The following ARID1A variants were observed in gnomAD, a reference collection of about 807,000 sequenced individuals.
The protein encoded by ARID1A is AT-rich interaction domain 1A.
ARID1A carries 20 observed loss-of-function variants against 212.6 expected under a neutral mutation model. The observed-to-expected ratio is 0.09, with a 90% CI of 0.07 to 0.14. ARID1A has a LOEUF of 0.14. ARID1A is among the 10% of genes least tolerant of loss of function. The pLI, the probability that ARID1A is intolerant of heterozygous loss-of-function variation, is 1.00. For missense variants in ARID1A, 2,587 were observed against 3,059.0 expected (o/e 0.85, Z 3.64); for synonymous variants, 1,376 against 1,222.1 (o/e 1.13, Z -2.63).
In ARID1A at chr1:26,772,977, C is replaced by T. The variant is rs1570614072; in HGVS notation, c.3705C>T (p.Ser1235=). The change falls in exon 14 of 20, where the codon AGC becomes AGT. Residue 1235 remains serine, a synonymous_variant. Coordinates refer to ENST00000324856, the MANE Select transcript of ARID1A (RefSeq NM_006015.6). ...SYEPNKDPYG[S]MRKAPGSDPF... Reference sequence around the variant, plus strand: ...AGCCAAATAAGGATCCTTATGGCAGCATGAGGAAAGGTGACTGATCTGATT... The same window carrying T: ...AGCCAAATAAGGATCCTTATGGCAGTATGAGGAAAGGTGACTGATCTGATT... 4.3e-6 allele frequency: 7 copies of T among 1,609,728 alleles called. No individual in the cohort carries two copies. Among genetic ancestry groups the T allele is most frequent in the Non-Finnish European group, 5.1e-6 (6 of 1,176,780 alleles).
chr1:26,731,649 A>G (rs748709137), intron 3 of ARID1A, 45 bp downstream of exon 3: 21 of 1,590,088 alleles, frequency 1.3e-5, no homozygotes, highest in Non-Finnish European at 1.8e-5. Context: ...GTGACTACAG[A>G]CAGCTTGGGG....
intron 4 of ARID1A, among the ~76,000 whole-genome samples, chr1:26,740,067 A>G (rs2080773747): frequency 1.3e-5 from 2 of 151,824 alleles, no homozygotes; most frequent in Admixed American, 6.6e-5. Flanking sequence ...TTGTCTGTAG[A>G]TTTAAGTCCA....
intron 19 of ARID1A, among the ~76,000 whole-genome samples, chr1:26,777,065 C>G (rs1557618112): frequency 6.6e-6 from 1 of 152,164 alleles, no homozygotes; most frequent in Non-Finnish European, 1.5e-5. Flanking sequence ...ACAGCTACTT[C>G]CTGGAAAAGC....
chr1:26,696,353 G>A lies in ARID1A; in HGVS notation c.-51G>A, dbSNP rs2080251871. The A allele has an allele frequency of 1.7e-6, 2 of 1,179,554 alleles. No homozygotes were observed. The highest frequency in any genetic ancestry group is 4.6e-5 in the Admixed American group (1 of 21,710). 73.1% of individuals were successfully genotyped at this position (1,179,554 alleles called of 1,614,324 possible). A position where few individuals can be genotyped will look rare whatever the true frequency, so the allele number is the denominator to read the frequency against. ...GCCCCGGGGCGGGGTGGGAGGGGGGGAGAAGACGAAGACAGGGCCGGGTCT... is the reference window on the plus strand; with the variant it reads ...GCCCCGGGGCGGGGTGGGAGGGGGGAAGAAGACGAAGACAGGGCCGGGTCT... On this transcript the variant is annotated 5_prime_UTR_variant, in exon 1 of 20. Transcript: ENST00000324856.
rs2124738802 is a variant in ARID1A at position 26,696,140 on chromosome 1, C to G, written c.-264C>G. The stretch of plus-strand genomic sequence containing the variant: ...GGAATGAGCCGGGAGAGCCGGGTCC[C>G]GAGCCTACAGAGCCGGGAGCAGCTG... On this transcript the variant is annotated 5_prime_UTR_variant, in exon 1 of 20. Transcript: ENST00000324856. 1 of 492,744 alleles carries G rather than the reference C, an allele frequency of 2.0e-6. No homozygotes were observed. Among genetic ancestry groups the G allele is most frequent in the South Asian group, 9.0e-5 (1 of 11,124 alleles). 30.5% of individuals were successfully genotyped at this position (492,744 alleles called of 1,614,324 possible). A position where few individuals can be genotyped will look rare whatever the true frequency, so the allele number is the denominator to read the frequency against.
chr1:26,778,506 T>TA (rs1391285873), intron 19 of ARID1A: 1 of 152,544 alleles, frequency 6.6e-6, no homozygotes, highest in Admixed American at 6.5e-5. Context: ...TCCCACTCCT[T>TA]ATGCTGCAAG....
intron 1 of ARID1A, among the ~76,000 whole-genome samples, chr1:26,725,943 C>T (rs1021953999): frequency 2.0e-5 from 3 of 150,778 alleles, no homozygotes; most frequent in African/African-American, 7.3e-5. Context: ...CAGCTTCTGC[C>T]TTCTGGGTTT....
intron 1 of ARID1A, among the ~76,000 whole-genome samples, chr1:26,716,502 G>A (rs2080504623): frequency 6.6e-6 from 1 of 152,166 alleles, no homozygotes; most frequent in East Asian, 1.9e-4. Context: ...GTAGTCTTGA[G>A]ATCTTAGGAT....
intron 1 of ARID1A, among the ~76,000 whole-genome samples, chr1:26,724,391 T>G (rs1169438291): frequency 6.6e-6 from 1 of 152,192 alleles, no homozygotes; most frequent in Non-Finnish European, 1.5e-5. Context: ...TTTCCTTGGA[T>G]TGGAACTGGA....
Position 26,696,073 on chromosome 1 carries a change from G to A in ARID1A, c.-331G>A, listed in dbSNP as rs2080246289. 1.9e-6 allele frequency: 1 copy of A among 537,522 alleles called. No homozygotes were observed. Among genetic ancestry groups the A allele is most frequent in the African/African-American group, 2.0e-5 (1 of 49,614 alleles). 33.3% of individuals were successfully genotyped at this position (537,522 alleles called of 1,614,324 possible). ...CAGCGGGGCCAGGCCCTGGGGAGCG[G>A]AGCCTCCACCGCCCCCCTCATTCCC... On this transcript the variant is annotated 5_prime_UTR_variant, in exon 1 of 20. Coordinates refer to ENST00000324856, the MANE Select transcript of ARID1A (RefSeq NM_006015.6).
Position 26,773,562 on chromosome 1 carries a change from C to T in ARID1A, c.3867-18C>T, listed in dbSNP as rs2124112264. On this transcript the variant is annotated intron_variant, in intron 15 of 19. Transcript: ENST00000324856. ...TGAAGCTATAGTGGGCTCAATCTGC[C>T]TCTCCAATTTTGTTTAGGACGGAGC... The T allele has an allele frequency of 6.2e-7, 1 of 1,614,194 alleles. No homozygotes were observed. Among genetic ancestry groups the T allele is most frequent in the East Asian group, 2.2e-5 (1 of 44,876 alleles).
intron 8 of ARID1A, chr1:26,764,308 C>T (rs1234996951): frequency 6.6e-6 from 1 of 150,378 alleles, no homozygotes; most frequent in Admixed American, 6.7e-5. Context: ...CAGTGTGTTG[C>T]CAGGGCTAAA....
chr1:26,710,494 T>TACAC (rs61663540), intron 1 of ARID1A, among the ~76,000 whole-genome samples: 2,998 of 131,488 alleles, frequency 0.023, 67 homozygotes, highest in African/African-American at 0.042. Context: ...AAATAATACA[T>TACAC]ACACACACAC....
chr1:26,768,028 C>T (rs2124088214), intron 11 of ARID1A, 29 bp downstream of exon 11: 3 of 1,605,082 alleles, frequency 1.9e-6, no homozygotes, highest in Non-Finnish European at 2.6e-6. Context: ...CTTGACTGCC[C>T]CTGTGGTTTC....
Position 26,779,385 on chromosome 1 carries a change from T to C in ARID1A, c.5487T>C (p.Asp1829=). 1 of 1,614,190 alleles carries C rather than the reference T, an allele frequency of 6.2e-7. No homozygotes were observed. Among genetic ancestry groups the C allele is most frequent in the South Asian group, 1.1e-5 (1 of 91,088 alleles). ...KNDPFVVDCS[D]KLGRVQEFDS... is the part of the protein sequence containing the mutation. ...ATCCATTTGTGGTGGACTGCTCAGA[T>C]AAGCTTGGGCGTGTGCAGGAGTTTG... The change falls in exon 20 of 20, where the codon GAT becomes GAC. Residue 1829 remains aspartate (D), a synonymous_variant. Transcript: ENST00000324856.
intron 1 of ARID1A, among the ~76,000 whole-genome samples, chr1:26,708,261 C>T (rs1378115221): frequency 9.8e-6 from 1 of 101,724 alleles, no homozygotes; most frequent in African/African-American, 3.8e-5. Context: ...AGATACAGTC[C>T]TTCACTTTTT....
At chr1:26,766,134 G>A (rs2124078454) in intron 8 of ARID1A, 87 bp from the exon 9 acceptor site, 2 of 1,446,518 alleles carry the variant, frequency 1.4e-6, no homozygotes, top group Non-Finnish European at 1.9e-6. Context: ...CTTACTAGAT[G>A]ATCACACAGC....
chr1:26,780,456 A>G lies in ARID1A; in HGVS notation c.6558A>G (p.Ala2186=), dbSNP rs536212160. 9.9e-6 allele frequency: 16 copies of G among 1,614,222 alleles called. No individual in the cohort carries two copies. The East Asian group carries it at 3.3e-4, about 34-fold the overall frequency. Residue 2186 remains alanine (A), a synonymous_variant, in exon 20 of 20, where the codon GCA becomes GCG. Transcript: ENST00000324856. This position sits in a 1 kb window ranked among gnomAD's most constrained non-coding sequence, Gnocchi z 7.2. The stretch of plus-strand genomic sequence containing the variant: ...ACAGCCTGGCAGCTCGTGCCATTGC[A>G]GTGCAGAAGGGCAGTATCGGCAACC... The part of the protein sequence containing the change: ...QGDSLAARAI[A]VQKGSIGNLL...
At chr1:26,707,401 G>A (rs2080403534) in intron 1 of ARID1A, among the ~76,000 whole-genome samples, 1 of 151,798 alleles carries the variant, frequency 6.6e-6, no homozygotes, top group Non-Finnish European at 1.5e-5. Context: ...TAGAGATGGG[G>A]TTTCATCATG....
Sources: allele counts gnomAD v4.1 joint callset (sites outside exome capture counted in the v4.1 genomes callset), GRCh38; gene constraint gnomAD v4.1.1; non-coding constraint Gnocchi (gnomAD v3.1); transcripts MANE v1.5; gene names NCBI Gene and HGNC (gene_info 2026-07-23, HGNC 2026-07-21).